Variants in ACBD6 observed in about 807,000 individuals in gnomAD.
ACBD6 encodes the protein acyl-CoA binding domain containing 6, also known as acyl-CoA-binding domain-containing protein 6.
In ACBD6, 28 loss-of-function variants were observed where a neutral mutation model predicts 37.2. That is an observed-to-expected ratio of 0.75 (90% CI 0.56 to 1.03). ACBD6 has a LOEUF of 1.03. ACBD6 is among the 50% of genes least tolerant of loss of function. The probability of loss-of-function intolerance (pLI) is 0.00; values close to 1 mark genes in which losing one functional copy is unlikely to be tolerated. For missense variants in ACBD6, 340 were observed against 337.4 expected (o/e 1.01, Z -0.06); for synonymous variants, 113 against 126.8 (o/e 0.89, Z 0.73).
chr1:180,439,306 C>T (rs1480008526), intron 3 of ACBD6, among the ~76,000 whole-genome samples: 2 of 151,912 alleles, frequency 1.3e-5, no homozygotes, highest in Admixed American at 6.6e-5. Context: ...GGGGAGGGGC[C>T]GGGTGTGGGG....
At chr1:180,435,606 G>T in intron 3 of ACBD6, 1 of 1,083,612 alleles carries the variant, frequency 9.2e-7, no homozygotes, top group Non-Finnish European at 1.4e-6. Context: ...TTTGCAGTTG[G>T]CTACAAGACT....
At chr1:180,370,363 T>C (rs1653215930) in intron 6 of ACBD6, among the ~76,000 whole-genome samples, 1 of 152,130 alleles carries the variant, frequency 6.6e-6, no homozygotes, top group Non-Finnish European at 1.5e-5. Context: ...GTACATGTGT[T>C]TTAGGCTGAG....
intron 6 of ACBD6, among the ~76,000 whole-genome samples, chr1:180,347,870 C>T (rs1299363002): frequency 6.6e-6 from 1 of 151,702 alleles, no homozygotes; most frequent in African/African-American, 2.4e-5. Context: ...GAGGCTGAGG[C>T]AGGAGAATGG....
intron 7 of ACBD6, among the ~76,000 whole-genome samples, chr1:180,311,711 T>A (rs571962838): frequency 6.6e-6 from 1 of 152,198 alleles, no homozygotes; most frequent in Non-Finnish European, 1.5e-5. Context: ...GGCTACAGCA[T>A]TGTGGAGTGG....
intron 3 of ACBD6, among the ~76,000 whole-genome samples, chr1:180,484,936 C>T (rs544675457): frequency 3.3e-5 from 5 of 151,822 alleles, no homozygotes; most frequent in East Asian, 1.9e-4. Context: ...TGGTGGTGGG[C>T]GCCTGTAATC....
intron 7 of ACBD6, among the ~76,000 whole-genome samples, chr1:180,303,217 C>T (rs1650202685): frequency 6.7e-6 from 1 of 149,604 alleles, no homozygotes; most frequent in Admixed American, 6.7e-5. Flanking sequence ...AGAGCAAACA[C>T]ATTCAAAAGC....
intron 6 of ACBD6, among the ~76,000 whole-genome samples, chr1:180,394,206 A>G (rs1351330980): frequency 6.6e-6 from 1 of 151,866 alleles, no homozygotes; most frequent in African/African-American, 2.4e-5. Context: ...TGATCCTCCC[A>G]CCACAGCCTC....
intron 1 of ACBD6, among the ~76,000 whole-genome samples, chr1:180,498,087 T>C (rs1421316308): frequency 6.6e-6 from 1 of 152,208 alleles, no homozygotes; most frequent in East Asian, 1.9e-4. Context: ...GAAAATATGG[T>C]TTACTGAGTT....
chr1:180,429,130 A>G (rs1325530753), intron 4 of ACBD6, among the ~76,000 whole-genome samples: 5 of 152,194 alleles, frequency 3.3e-5, no homozygotes, highest in African/African-American at 1.2e-4. Flanking sequence ...AGCTAAAAGT[A>G]TTTCTAAGTA....
At chr1:180,496,256 C>T (rs1317077170) in intron 1 of ACBD6, among the ~76,000 whole-genome samples, 2 of 152,176 alleles carry the variant, frequency 1.3e-5, no homozygotes, top group Non-Finnish European at 2.9e-5. Flanking sequence ...GGCCCTGATT[C>T]CCACTGCCAG....
In ACBD6 at chr1:180,502,373, C is replaced by A; in HGVS notation, c.-107G>T. The A allele has an allele frequency of 1.6e-6, 2 of 1,231,340 alleles. No homozygotes were observed. Among genetic ancestry groups the A allele is most frequent in the East Asian group, 5.0e-5 (2 of 39,962 alleles). 76.3% of individuals were successfully genotyped at this position (1,231,340 alleles called of 1,614,324 possible). ...CCAGTCTGGGTCGCGAGCCTGAGCT[C>A]CAGTCGGACCCAAGCTCAGTCGCGG... is the stretch of plus-strand genomic sequence containing the variant. On this transcript the variant is annotated 5_prime_UTR_variant, in exon 1 of 8. Coordinates refer to ENST00000367595, the MANE Select transcript of ACBD6 (RefSeq NM_032360.4).
intron 3 of ACBD6, among the ~76,000 whole-genome samples, chr1:180,466,750 C>T (rs972271812): frequency 6.6e-6 from 1 of 152,114 alleles, no homozygotes; most frequent in Non-Finnish European, 1.5e-5. Context: ...CATACAACAT[C>T]AGGCATGGTT....
At chr1:180,361,580 G>T (rs1652855979) in intron 6 of ACBD6, among the ~76,000 whole-genome samples, 1 of 150,030 alleles carries the variant, frequency 6.7e-6, no homozygotes, top group Admixed American at 6.7e-5. Flanking sequence ...ACGGGATTTG[G>T]TCTTGAAGAA....
chr1:180,271,405 G>T (rs1009287562), exon 14 of ACBD6: 18 of 1,614,176 alleles, frequency 1.1e-5, no homozygotes, highest in Admixed American at 1.7e-5. Flanking sequence ...GAGCTAAGCG[G>T]CCCCGGACCA....
chr1:180,365,896 C>A (rs1306952892), intron 6 of ACBD6, among the ~76,000 whole-genome samples: 1 of 152,088 alleles, frequency 6.6e-6, no homozygotes, highest in African/African-American at 2.4e-5. Flanking sequence ...ATTAATCACT[C>A]TGAGTATATC....
chr1:180,445,947 G>A (rs920502899), intron 3 of ACBD6, among the ~76,000 whole-genome samples: 14 of 152,178 alleles, frequency 9.2e-5, no homozygotes, highest in Non-Finnish European at 1.6e-4. Flanking sequence ...AGCTATTTTG[G>A]AAACCATTAT....
intron 6 of ACBD6, among the ~76,000 whole-genome samples, chr1:180,387,323 C>G (rs1217148794): frequency 6.6e-6 from 1 of 152,164 alleles, no homozygotes; most frequent in Non-Finnish European, 1.5e-5. Flanking sequence ...AAAATTCTCC[C>G]CCACACCATC....
At chr1:180,345,838 GT>G (rs549320550) in intron 6 of ACBD6, among the ~76,000 whole-genome samples, 22 of 151,798 alleles carry the variant, frequency 1.4e-4, no homozygotes, top group African/African-American at 1.9e-4. Context: ...ATGTCTATAT[GT>G]TTTTTTTAAC....
At position 180,419,207 on chromosome 1, in the gene ACBD6, C is replaced by T. The variant is rs545196713; in HGVS notation, c.468-5736G>A. ...CGGAGCTTGCAGTGAGCAGAGATCG[C>T]GCCACTGCACTCCAGCCTGGGTGAC... is the stretch of plus-strand genomic sequence containing the variant. On this transcript the variant is annotated intron_variant, in intron 4 of 7. Coordinates refer to ENST00000367595, the MANE Select transcript of ACBD6 (RefSeq NM_032360.4). Among the ~76,000 whole-genome samples the T allele has an allele frequency of 5.3e-5, 8 of 152,172 alleles. No individual in the cohort carries two copies. In the South Asian group the frequency reaches 6.2e-4, roughly 12 times the overall value.
Sources: gnomAD v4.1 joint callset for allele counts (sites outside exome capture counted in the v4.1 genomes callset) on GRCh38, gnomAD v4.1.1 for gene constraint, MANE v1.5 for transcripts, NCBI Gene and HGNC (gene_info 2026-07-23, HGNC 2026-07-21) for gene names.